XKR6: variants seen among roughly 807,000 people sequenced by gnomAD.
XKR6 encodes the protein XK related 6.
A neutral mutation model predicts 56.7 loss-of-function variants in XKR6; 22 were observed. That is an observed-to-expected ratio of 0.39 (90% CI 0.28 to 0.55). The LOEUF (loss-of-function observed/expected upper bound fraction) is 0.55, where lower values mean the gene tolerates loss of function less well. Ranked by LOEUF, XKR6 falls within the 20% of genes least tolerant of loss-of-function variation. The pLI, the probability that XKR6 is intolerant of heterozygous loss-of-function variation, is 0.66. For missense variants in XKR6, 852 were observed against 889.0 expected, an observed-to-expected ratio of 0.96 and a Z score of 0.53; for synonymous variants, 524 against 387.8, an observed-to-expected ratio of 1.35 and a Z score of -4.13.
chr8:11,155,272 G>T (rs1234199486), intron 1 of XKR6, among the ~76,000 whole-genome samples: 1 of 152,188 alleles, frequency 6.6e-6, no homozygotes, highest in East Asian at 1.9e-4. Flanking sequence ...GGGCAGATTG[G>T]ATTCCTTGCC....
chr8:11,180,161 T>C (rs147655802), intron 1 of XKR6, among the ~76,000 whole-genome samples: 114 of 152,018 alleles, frequency 7.5e-4, no homozygotes, highest in Middle Eastern at 6.8e-3. Flanking sequence ...AAAATAAAAA[T>C]AATAAAAGGT....
At chr8:10,957,187 A>T (rs1801915187) in intron 1 of XKR6, among the ~76,000 whole-genome samples, 1 of 152,122 alleles carries the variant, frequency 6.6e-6, no homozygotes. Context: ...CTGACCTCAG[A>T]TCATCCACCA....
chr8:11,187,322 T>C (rs1409405317), intron 1 of XKR6, among the ~76,000 whole-genome samples: 1 of 152,178 alleles, frequency 6.6e-6, no homozygotes, highest in Non-Finnish European at 1.5e-5. Flanking sequence ...AAATGTCACT[T>C]AACCTTGAAA....
At chr8:11,025,507 G>A (rs1798841319) in intron 1 of XKR6, among the ~76,000 whole-genome samples, 1 of 152,166 alleles carries the variant, frequency 6.6e-6, no homozygotes, top group South Asian at 2.1e-4. Flanking sequence ...TTCCCTCCAA[G>A]AAGCTTAGAG....
intron 1 of XKR6, among the ~76,000 whole-genome samples, chr8:11,155,796 T>C (rs1404636642): frequency 6.6e-6 from 1 of 152,204 alleles, no homozygotes; most frequent in African/African-American, 2.4e-5. Context: ...CAAAGTGATC[T>C]TACTCGAAAT....
intron 1 of XKR6, among the ~76,000 whole-genome samples, chr8:10,970,305 C>T (rs1024707486): frequency 3.3e-5 from 5 of 152,156 alleles, no homozygotes; most frequent in Non-Finnish European, 7.4e-5. Context: ...ACTGAGGTCG[C>T]GACAGCCCTC....
At chr8:10,911,525 AAG>A (rs1477939245) in intron 2 of XKR6, among the ~76,000 whole-genome samples, 4 of 145,686 alleles carry the variant, frequency 2.7e-5, no homozygotes, top group African/African-American at 7.6e-5. Flanking sequence ...TATATGTAGA[AAG>A]AGAGGGGGTG....
At chr8:11,083,201 C>G (rs1441665812) in intron 1 of XKR6, among the ~76,000 whole-genome samples, 1 of 152,212 alleles carries the variant, frequency 6.6e-6, no homozygotes, top group Non-Finnish European at 1.5e-5. Context: ...CTGCCATTAT[C>G]CACCACACAC....
intron 1 of XKR6, among the ~76,000 whole-genome samples, chr8:10,930,724 A>G (rs531643598): frequency 2.0e-5 from 3 of 152,356 alleles, no homozygotes; most frequent in South Asian, 4.1e-4. Flanking sequence ...AGGTAACACA[A>G]TTCAACATCC....
chr8:11,019,399 T>C (rs988718457), intron 1 of XKR6, among the ~76,000 whole-genome samples: 23 of 152,356 alleles, frequency 1.5e-4, no homozygotes, highest in Admixed American at 1.4e-3. Context: ...CCTTCGCCTC[T>C]GGACTTCGGG....
intron 1 of XKR6, among the ~76,000 whole-genome samples, chr8:10,973,404 A>C (rs1234258572): frequency 6.6e-6 from 1 of 152,078 alleles, no homozygotes; most frequent in Non-Finnish European, 1.5e-5. Context: ...AAGTAAGGAG[A>C]GAGTGATATT....
rs1348787624 is a variant in XKR6, at chr8:11,200,502, C to A, written c.764+74G>T. On this transcript the variant is annotated intron_variant, in intron 1 of 2. Transcript: ENST00000416569. The surrounding 1 kb of genome is among the most constrained non-coding windows in gnomAD (Gnocchi z 6.4). ...CCCGCGCTGGGCCCTTTCGAGGGGC[C>A]GCCCCGCGAAGCACCGGGAGGGCGG... 3 of 1,367,958 alleles carry A rather than the reference C, an allele frequency of 2.2e-6. No homozygotes were observed. The highest frequency in any genetic ancestry group is 2.8e-6 in the Non-Finnish European group (3 of 1,068,026). 84.7% of individuals were successfully genotyped at this position (1,367,958 alleles called of 1,614,324 possible). A position where few individuals can be genotyped will look rare whatever the true frequency, so the allele number is the denominator to read the frequency against.
At chr8:10,953,511 C>G (rs1801790081) in intron 1 of XKR6, among the ~76,000 whole-genome samples, 1 of 152,134 alleles carries the variant, frequency 6.6e-6, no homozygotes, top group African/African-American at 2.4e-5. Flanking sequence ...TAATAAATTA[C>G]CTAGTCTCAG....
rs112743103 is a variant in XKR6, at chr8:11,182,913, T to C, written c.764+17663A>G. Reference sequence around the variant, plus strand: ...GCCCCTGGCAGCCCCCTTTCTACTATGTCTCTATGAACTTGACTCCTCCAC... The same window carrying C: ...GCCCCTGGCAGCCCCCTTTCTACTACGTCTCTATGAACTTGACTCCTCCAC... On this transcript the variant is annotated intron_variant, in intron 1 of 2. Transcript: ENST00000416569. Among the ~76,000 whole-genome samples, 319 of 152,312 alleles carry C rather than the reference T, an allele frequency of 2.1e-3. 1 individual carries two copies. The highest frequency in any genetic ancestry group is 7.3e-3 in the African/African-American group (303 of 41,578).
chr8:11,146,096 T>C (rs547958200), intron 1 of XKR6, among the ~76,000 whole-genome samples: 1 of 152,258 alleles, frequency 6.6e-6, no homozygotes, highest in Non-Finnish European at 1.5e-5. Context: ...AAGAATAGCC[T>C]TTCAACAAAT....
intron 1 of XKR6, among the ~76,000 whole-genome samples, chr8:11,022,187 T>C (rs1312192032): frequency 2.0e-5 from 3 of 150,846 alleles, no homozygotes; most frequent in South Asian, 4.2e-4. Flanking sequence ...TTCTCATTCA[T>C]GTAACTATGG....
chr8:10,965,095 A>T (rs1802178160), intron 1 of XKR6, among the ~76,000 whole-genome samples: 1 of 152,164 alleles, frequency 6.6e-6, no homozygotes, highest in African/African-American at 2.4e-5. Context: ...AGCTTAGGAA[A>T]CCATATTGCC....
chr8:11,040,585 A>G (rs1274035022), intron 1 of XKR6, among the ~76,000 whole-genome samples: 1 of 151,986 alleles, frequency 6.6e-6, no homozygotes, highest in Non-Finnish European at 1.5e-5. Context: ...ACAGAAATTC[A>G]TTTCTCAGTT....
chr8:11,151,835 G>A (rs1043447270), intron 1 of XKR6, among the ~76,000 whole-genome samples: 2 of 151,982 alleles, frequency 1.3e-5, no homozygotes, highest in South Asian at 2.1e-4. Context: ...CATCAGCAAG[G>A]GGAAGAACAA....
Sources: allele counts gnomAD v4.1 joint callset (sites outside exome capture counted in the v4.1 genomes callset), GRCh38; gene constraint gnomAD v4.1.1; non-coding constraint Gnocchi (gnomAD v3.1); transcripts MANE v1.5; gene names NCBI Gene and HGNC (gene_info 2026-07-23, HGNC 2026-07-21).